Variants in KRAS observed in about 807,000 individuals in gnomAD.
The protein encoded by KRAS is KRas proto-oncogene, GTPase.
KRAS carries 1 observed loss-of-function variant against 21.0 expected under a neutral mutation model. That is an observed-to-expected ratio of 0.05 (90% CI 0.02 to 0.23). The LOEUF is 0.23. Among genes scored for constraint, KRAS ranks in the 10% least tolerant of loss-of-function variants. The pLI is 1.00. For synonymous variants in KRAS, 67 were observed against 72.5 expected, an observed-to-expected ratio of 0.92 and a Z score of 0.39; for missense variants, 107 against 221.8, an observed-to-expected ratio of 0.48 and a Z score of 3.29.
At chr12:25,241,492 A>G (rs564254990) in intron 2 of KRAS, among the ~76,000 whole-genome samples, 9 of 152,386 alleles carry the variant, frequency 5.9e-5, no homozygotes, top group Admixed American at 1.3e-4. Flanking sequence ...GTAAGCTAAC[A>G]TATCATTAAC....
In KRAS at chr12:25,233,439, A is replaced by G. The variant is rs372529074; in HGVS notation, c.112-6027T>C. Among the ~76,000 whole-genome samples the G allele has an allele frequency of 6.6e-5, 10 of 152,280 alleles. No individual in the cohort carries two copies. The East Asian group carries it at 1.2e-3, about 18-fold the overall frequency. The stretch of plus-strand genomic sequence containing the variant: ...TGTGGTAGTGTGTACCTGTAGTCCC[A>G]GCTATTTGGGGAGCTCAGGTGGGAG... On this transcript the variant is annotated intron_variant, in intron 2 of 4. Coordinates refer to ENST00000311936, the MANE Select transcript of KRAS (RefSeq NM_004985.5).
At chr12:25,231,617 T>A (rs1186176072) in intron 2 of KRAS, among the ~76,000 whole-genome samples, 1 of 152,152 alleles carries the variant, frequency 6.6e-6, no homozygotes, top group Non-Finnish European at 1.5e-5. Context: ...TCATTCCTAT[T>A]ATCTTTTCCC....
intron 4 of KRAS, among the ~76,000 whole-genome samples, chr12:25,216,780 G>C (rs908028322): frequency 2.0e-5 from 3 of 152,014 alleles, no homozygotes; most frequent in Admixed American, 6.6e-5. Flanking sequence ...CATCAAACGG[G>C]GCAAAGTGCT....
intron 3 of KRAS, among the ~76,000 whole-genome samples, chr12:25,226,119 T>C (rs1951389159): frequency 6.6e-6 from 1 of 152,170 alleles, no homozygotes; most frequent in Non-Finnish European, 1.5e-5. Context: ...GTATGTTAAA[T>C]GTGTAAAGAT....
rs1182070310 is a variant in KRAS, at chr12:25,207,587, G to A, written c.*2208C>T. On this transcript the variant is annotated 3_prime_UTR_variant, in exon 5 of 5. Coordinates refer to ENST00000311936, the MANE Select transcript of KRAS (RefSeq NM_004985.5). The stretch of plus-strand genomic sequence containing the variant: ...GAAGATTTCTGGTTACTAAAACAAT[G>A]GAATGTATTACTGTTACCAGGAGTA... 2.6e-5 allele frequency: 6 copies of A among 228,418 alleles called. No individual in the cohort carries two copies. Among genetic ancestry groups the A allele is most frequent in the Non-Finnish European group, 4.3e-5 (5 of 115,316 alleles). The allele number at this position is 228,418 out of a possible 1,614,324, so 14.1% of individuals were successfully genotyped here.
rs1951182426 is a variant in KRAS at position 25,209,695 on chromosome 12, A to G, written c.*100T>C. The G allele has an allele frequency of 6.6e-7, 1 of 1,511,998 alleles. No homozygotes were observed. Among genetic ancestry groups the G allele is most frequent in the Non-Finnish European group, 8.8e-7 (1 of 1,130,142 alleles). The allele number at this position is 1,511,998 out of a possible 1,614,324, so 93.7% of individuals were successfully genotyped here. A position where few individuals can be genotyped will look rare whatever the true frequency, so the allele number is the denominator to read the frequency against. ...GCTAACAGTCTGCATGGAGCAGGAAAAAAATTAGGTAATGCTAAAACAAAT... is the reference window on the plus strand; with the variant it reads ...GCTAACAGTCTGCATGGAGCAGGAAGAAAATTAGGTAATGCTAAAACAAAT... On this transcript the variant is annotated 3_prime_UTR_variant, in exon 5 of 5. Transcript: ENST00000311936.
intron 4 of KRAS, among the ~76,000 whole-genome samples, chr12:25,210,164 ATAAG>A (rs1478022827): frequency 6.6e-6 from 1 of 152,196 alleles, no homozygotes; most frequent in Non-Finnish European, 1.5e-5. Context: ...AGAATTTTAA[ATAAG>A]GTAACGACTT....
intron 2 of KRAS, among the ~76,000 whole-genome samples, chr12:25,229,232 A>C (rs1248753980): frequency 1.3e-5 from 2 of 152,220 alleles, no homozygotes; most frequent in Non-Finnish European, 2.9e-5. Context: ...AAAATGGGAT[A>C]GCTCTACCAA....
intron 2 of KRAS, chr12:25,235,246 A>G: frequency 1.8e-6 from 1 of 560,440 alleles, no homozygotes. Flanking sequence ...AAGATGAGAA[A>G]CTTTTACTCA....
At chr12:25,238,050 G>A (rs1449590340) in intron 2 of KRAS, among the ~76,000 whole-genome samples, 1 of 152,082 alleles carries the variant, frequency 6.6e-6, no homozygotes, top group Non-Finnish European at 1.5e-5. Flanking sequence ...TTATTTTCAT[G>A]GCAGAATTTT....
intron 4 of KRAS, 23 bp downstream of exon 4, chr12:25,225,591 G>C (rs1228805613): frequency 6.2e-7 from 1 of 1,609,206 alleles, no homozygotes. Context: ...AAACAGATCT[G>C]TATTTATTTC....
chr12:25,245,127 A>G, intron 2 of KRAS, 147 bp downstream of exon 2: 1 of 859,306 alleles, frequency 1.2e-6, no homozygotes, highest in African/African-American at 1.7e-5. Flanking sequence ...GGTTACATAT[A>G]ACTTGAAACC....
intron 4 of KRAS, among the ~76,000 whole-genome samples, chr12:25,211,551 C>G (rs1951200502): frequency 1.3e-5 from 2 of 151,966 alleles, no homozygotes; most frequent in African/African-American, 4.8e-5. Flanking sequence ...GCACTCCAGA[C>G]TGGGTGACAG....
intron 2 of KRAS, among the ~76,000 whole-genome samples, chr12:25,242,714 T>C (rs1377524400): frequency 6.6e-6 from 1 of 152,170 alleles, no homozygotes; most frequent in Non-Finnish European, 1.5e-5. Context: ...TACTTACAAA[T>C]CTGAATTAGT....
Position 25,209,466 on chromosome 12 carries a change from T to C in KRAS, c.*329A>G, listed in dbSNP as rs1270557754. 2 of 1,219,172 alleles carry C rather than the reference T, an allele frequency of 1.6e-6. No individual in the cohort carries two copies. The highest frequency in any genetic ancestry group is 7.4e-5 in the Admixed American group (2 of 26,868). The allele number at this position is 1,219,172 out of a possible 1,614,324, so 75.5% of individuals were successfully genotyped here. A position where few individuals can be genotyped will look rare whatever the true frequency, so the allele number is the denominator to read the frequency against. On this transcript the variant is annotated 3_prime_UTR_variant, in exon 5 of 5. Coordinates refer to ENST00000311936, the MANE Select transcript of KRAS (RefSeq NM_004985.5). ...GGGATGATTCAAAAGCTTCATTAATTTGTTTCACACCAACATTCACAATTG... is the reference window on the plus strand; with the variant it reads ...GGGATGATTCAAAAGCTTCATTAATCTGTTTCACACCAACATTCACAATTG...
chr12:25,221,825 A>G (rs772789160), intron 4 of KRAS, among the ~76,000 whole-genome samples: 1 of 152,182 alleles, frequency 6.6e-6, no homozygotes, highest in Non-Finnish European at 1.5e-5. Context: ...CCGATAAAAT[A>G]CAACAAGGAT....
intron 1 of KRAS, among the ~76,000 whole-genome samples, chr12:25,246,283 TGCGGCG>T (rs1408541871): frequency 6.6e-6 from 1 of 151,936 alleles, no homozygotes; most frequent in African/African-American, 2.4e-5. Flanking sequence ...GAAAGCCGGG[TGCGGCG>T]GCTCATGCCT....
intron 1 of KRAS, 114 bp downstream of exon 1, chr12:25,250,637 C>G (rs1265919893): frequency 5.9e-6 from 1 of 169,460 alleles, no homozygotes; most frequent in East Asian, 1.2e-4. Context: ...CCCGCGCCCC[C>G]CACCCGCCCC....
chr12:25,246,295 T>C (rs918923661), intron 1 of KRAS, among the ~76,000 whole-genome samples: 3 of 152,132 alleles, frequency 2.0e-5, no homozygotes, highest in Admixed American at 6.5e-5. Flanking sequence ...CGGCGGCTCA[T>C]GCCTGTAATC....
Sources: allele counts gnomAD v4.1 joint callset (sites outside exome capture counted in the v4.1 genomes callset), GRCh38; gene constraint gnomAD v4.1.1; transcripts MANE v1.5; gene names NCBI Gene and HGNC (gene_info 2026-07-23, HGNC 2026-07-21).